The following NRXN1 variants were observed in gnomAD, a reference collection of about 807,000 sequenced individuals.
NRXN1 encodes neurexin 1, also known as neurexin-1.
In NRXN1, 39 loss-of-function variants were observed where a neutral mutation model predicts 150.9. The ratio of observed to expected loss-of-function variants is 0.26; its 90% confidence interval spans 0.20 to 0.34. The LOEUF is 0.34. Among genes scored for constraint, NRXN1 ranks in the 10% least tolerant of loss-of-function variants. NRXN1 has a pLI of 1.00. For synonymous variants in NRXN1, 924 were observed against 757.0 expected, an observed-to-expected ratio of 1.22 and a Z score of -3.62; for missense variants, 1,815 against 1,949.9, an observed-to-expected ratio of 0.93 and a Z score of 1.30.
Position 50,534,853 on chromosome 2 carries a change from C to T in NRXN1, c.2143+3400G>A, listed in dbSNP as rs747632541. Among the ~76,000 whole-genome samples the T allele has an allele frequency of 1.3e-3, 191 of 152,126 alleles. 1 individual carries two copies. Among genetic ancestry groups the T allele is most frequent in the Non-Finnish European group, 1.0e-3 (70 of 67,976 alleles). On this transcript the variant is annotated intron_variant, in intron 10 of 22. Transcript: ENST00000401669. ...TGATTGAAAACTAAATAGGGGGCAC[C>T]TCCTTTAAGAAATACAGATGACTGA...
At chr2:50,692,300 C>T (rs76300074) in intron 5 of NRXN1, among the ~76,000 whole-genome samples, 2 of 152,186 alleles carry the variant, frequency 1.3e-5, no homozygotes, top group Non-Finnish European at 2.9e-5. Flanking sequence ...GAGCATCATT[C>T]CTTTTTTATT....
chr2:50,106,999 T>C (rs774847727), intron 18 of NRXN1, among the ~76,000 whole-genome samples: 12 of 151,946 alleles, frequency 7.9e-5, no homozygotes, highest in African/African-American at 1.9e-4. Context: ...ATACGGTTAA[T>C]GCATACAGTA....
intron 17 of NRXN1, among the ~76,000 whole-genome samples, chr2:50,438,669 G>T (rs1290033166): frequency 2.0e-5 from 3 of 152,196 alleles, no homozygotes; most frequent in South Asian, 2.1e-4. Flanking sequence ...GGATGAAAAA[G>T]ATTCTCAAAT....
At chr2:50,234,733 T>C (rs1160069622) in intron 18 of NRXN1, among the ~76,000 whole-genome samples, 2 of 151,946 alleles carry the variant, frequency 1.3e-5, no homozygotes, top group African/African-American at 4.8e-5. Flanking sequence ...ATTTTGAAGA[T>C]ATCAAGTCCA....
intron 5 of NRXN1, among the ~76,000 whole-genome samples, chr2:50,636,334 C>T (rs1242961560): frequency 6.6e-6 from 1 of 152,126 alleles, no homozygotes; most frequent in Non-Finnish European, 1.5e-5. Context: ...GGACACTTTT[C>T]AGCTCTGCCC....
At chr2:49,980,654 C>T (rs895988657) in intron 21 of NRXN1, among the ~76,000 whole-genome samples, 3 of 152,076 alleles carry the variant, frequency 2.0e-5, no homozygotes, top group Non-Finnish European at 2.9e-5. Context: ...ATGTACAAAT[C>T]ATAGCATTTA....
At chr2:50,487,175 G>T (rs2104831761) in intron 15 of NRXN1, among the ~76,000 whole-genome samples, 2 of 152,236 alleles carry the variant, frequency 1.3e-5, no homozygotes, top group East Asian at 1.9e-4. Flanking sequence ...GCCTAGTAAA[G>T]GTAGATGAGG....
chr2:50,541,186 A>AT (rs1436433954), intron 9 of NRXN1, among the ~76,000 whole-genome samples: 2 of 152,136 alleles, frequency 1.3e-5, no homozygotes, highest in African/African-American at 2.4e-5. Flanking sequence ...ATATAAACAT[A>AT]TATGTATGTA....
intron 17 of NRXN1, among the ~76,000 whole-genome samples, chr2:50,384,214 A>G (rs1021256523): frequency 9.9e-5 from 15 of 152,202 alleles, no homozygotes; most frequent in African/African-American, 3.6e-4. Context: ...GGCTTTAAAC[A>G]ATGCATTCTC....
At chr2:50,552,191 C>G (rs1667634459) in intron 9 of NRXN1, among the ~76,000 whole-genome samples, 1 of 152,108 alleles carries the variant, frequency 6.6e-6, no homozygotes, top group South Asian at 2.1e-4. Flanking sequence ...TTGGATCATT[C>G]TAATTTTTTT....
chr2:50,527,478 T>C (rs1558883861), intron 12 of NRXN1, among the ~76,000 whole-genome samples: 1 of 152,202 alleles, frequency 6.6e-6, no homozygotes. Flanking sequence ...GGATATTGGT[T>C]ATAATTTATT....
intron 18 of NRXN1, among the ~76,000 whole-genome samples, chr2:50,116,304 C>T (rs1703062377): frequency 6.6e-6 from 1 of 152,044 alleles, no homozygotes; most frequent in African/African-American, 2.4e-5. Flanking sequence ...AAGTTATTAT[C>T]TGAACCTCAT....
At chr2:50,326,197 G>A (rs181004254) in intron 17 of NRXN1, among the ~76,000 whole-genome samples, 1,721 of 152,094 alleles carry the variant, frequency 0.011, 11 homozygotes, top group Non-Finnish European at 0.017. Context: ...TTAACACATG[G>A]ATTAATGTAC....
At chr2:50,075,324 C>T (rs1696919663) in intron 19 of NRXN1, among the ~76,000 whole-genome samples, 1 of 152,038 alleles carries the variant, frequency 6.6e-6, no homozygotes, top group African/African-American at 2.4e-5. Context: ...GGCTGCACAC[C>T]AGATGGATTA....
At position 50,552,981 on chromosome 2, in the gene NRXN1, A is replaced by G. The variant is rs201727684; in HGVS notation, c.1365T>C (p.Leu455=). Reference sequence around the variant, plus strand: ...TCATCTTAGGATCTCCTTGCTTGGCAAGTCGAGATAATTCCAGCCTCACAT... The same window carrying G: ...TCATCTTAGGATCTCCTTGCTTGGCGAGTCGAGATAATTCCAGCCTCACAT... ...NNDVRLELSR[L]AKQGDPKMKI... Residue 455 remains leucine (L), a synonymous_variant, in exon 9 of 23, where the codon CTT becomes CTC. Coordinates refer to ENST00000401669, the MANE Select transcript of NRXN1 (RefSeq NM_001330078.2). 1,502 of 1,613,056 alleles carry G rather than the reference A, an allele frequency of 9.3e-4. 1 individual carries two copies. The highest frequency in any genetic ancestry group is 1.1e-3 in the Non-Finnish European group (1,321 of 1,179,352).
At chr2:51,000,782 T>C (rs1408290367) in intron 2 of NRXN1, among the ~76,000 whole-genome samples, 2 of 151,974 alleles carry the variant, frequency 1.3e-5, no homozygotes, top group East Asian at 3.9e-4. Context: ...TATTTTAAAA[T>C]TAATAATCTG....
chr2:50,573,376 C>T (rs566752132), intron 8 of NRXN1, among the ~76,000 whole-genome samples: 5 of 148,302 alleles, frequency 3.4e-5, no homozygotes, highest in Admixed American at 6.7e-5. Flanking sequence ...AAAAAAAAAA[C>T]GGAATCTAAA....
chr2:50,060,193 G>A (rs1040453515), intron 19 of NRXN1, among the ~76,000 whole-genome samples: 10 of 152,188 alleles, frequency 6.6e-5, no homozygotes, highest in African/African-American at 2.2e-4. Flanking sequence ...AAGACCATGG[G>A]AACCTTCCTC....
chr2:50,639,769 G>A (rs1309520446), intron 5 of NRXN1, among the ~76,000 whole-genome samples: 1 of 151,994 alleles, frequency 6.6e-6, no homozygotes. Flanking sequence ...TCAAAGTGAA[G>A]TAATCATCCC....
Sources: gnomAD v4.1 joint callset for allele counts (sites outside exome capture counted in the v4.1 genomes callset) on GRCh38, gnomAD v4.1.1 for gene constraint, MANE v1.5 for transcripts, NCBI Gene and HGNC (gene_info 2026-07-23, HGNC 2026-07-21) for gene names.